Variants in DLG2 observed in about 807,000 individuals in gnomAD.
DLG2 encodes the protein discs large MAGUK scaffold protein 2.
A neutral mutation model predicts 132.5 loss-of-function variants in DLG2; 45 were observed. The observed-to-expected ratio is 0.34, with a 90% CI of 0.27 to 0.44. The LOEUF (loss-of-function observed/expected upper bound fraction) is 0.44. Among genes scored for constraint, DLG2 ranks in the 20% least tolerant of loss-of-function variants. The pLI is 1.00. For missense variants in DLG2, 1,045 were observed against 1,196.9 expected, an observed-to-expected ratio of 0.87 and a Z score of 1.87; for synonymous variants, 424 against 419.6, an observed-to-expected ratio of 1.01 and a Z score of -0.13.
intron 9 of DLG2, among the ~76,000 whole-genome samples, chr11:84,124,996 A>T (rs2094109218): frequency 6.6e-6 from 1 of 151,830 alleles, no homozygotes; most frequent in African/African-American, 2.4e-5. Context: ...GATTACAGGC[A>T]TGTGCCACCA....
intron 4 of DLG2, among the ~76,000 whole-genome samples, chr11:85,206,093 C>A (rs548795783): frequency 8.5e-5 from 13 of 152,148 alleles, no homozygotes; most frequent in African/African-American, 3.1e-4. Flanking sequence ...AATGAGTTCT[C>A]ATGAGATCTG....
chr11:84,923,352 G>T, intron 6 of DLG2: 1 of 1,190,438 alleles, frequency 8.4e-7, no homozygotes, highest in East Asian at 3.7e-5. Context: ...ATTTCAATTA[G>T]ATGAGAATTC....
chr11:83,790,708 C>T (rs2153899030), intron 17 of DLG2: 1 of 796,192 alleles, frequency 1.3e-6, no homozygotes, highest in Non-Finnish European at 2.3e-6. Context: ...CCCGTGGTGC[C>T]AGTCAACAAC....
At chr11:84,114,244 G>A (rs1293803066) in intron 9 of DLG2, among the ~76,000 whole-genome samples, 1 of 152,050 alleles carries the variant, frequency 6.6e-6, no homozygotes, top group East Asian at 1.9e-4. Context: ...TGAATTTTAA[G>A]TGTAAAAAGG....
intron 3 of DLG2, among the ~76,000 whole-genome samples, chr11:85,464,451 G>T (rs1022522087): frequency 6.6e-6 from 1 of 152,116 alleles, no homozygotes; most frequent in African/African-American, 2.4e-5. Context: ...AATCATAATG[G>T]TATGGAAAAT....
Position 84,169,650 on chromosome 11 carries a change from A to T in DLG2, c.574-6139T>A, listed in dbSNP as rs535828143. ...CACTTTGGGAGGCTGAGGCAGGTGG[A>T]TCACTCGAAGTCAGGAGTTCATGAT... is the stretch of plus-strand genomic sequence containing the variant. On this transcript the variant is annotated intron_variant, in intron 8 of 27. Transcript: ENST00000376104. Among the ~76,000 whole-genome samples, 87 of 152,242 alleles carry T rather than the reference A, an allele frequency of 5.7e-4. 1 individual carries two copies. The highest frequency in any genetic ancestry group is 9.0e-4 in the Non-Finnish European group (61 of 68,020).
At chr11:84,486,097 C>A (rs1378327318) in intron 7 of DLG2, among the ~76,000 whole-genome samples, 1 of 152,048 alleles carries the variant, frequency 6.6e-6, no homozygotes, top group Non-Finnish European at 1.5e-5. Context: ...ATTATATACC[C>A]CTGTCACCTA....
At chr11:83,482,911 T>C (rs2093237664) in intron 22 of DLG2, among the ~76,000 whole-genome samples, 1 of 152,138 alleles carries the variant, frequency 6.6e-6, no homozygotes, top group Non-Finnish European at 1.5e-5. Flanking sequence ...AGCTCACCCT[T>C]TCTTTCAACA....
intron 6 of DLG2, among the ~76,000 whole-genome samples, chr11:85,059,730 T>G (rs2063833216): frequency 6.6e-6 from 1 of 151,596 alleles, no homozygotes; most frequent in African/African-American, 2.4e-5. Context: ...ATGATAAAAG[T>G]CAGAGGAGTG....
At chr11:83,691,336 C>G (rs1293226105) in intron 18 of DLG2, among the ~76,000 whole-genome samples, 1 of 152,188 alleles carries the variant, frequency 6.6e-6, no homozygotes, top group Non-Finnish European at 1.5e-5. Flanking sequence ...TCTGTACTCT[C>G]CTATCTAGCT....
intron 7 of DLG2, among the ~76,000 whole-genome samples, chr11:84,450,568 A>G (rs140488908): frequency 4.0e-5 from 6 of 151,838 alleles, no homozygotes; most frequent in African/African-American, 9.6e-5. Context: ...AGATTTAGAG[A>G]TCAGGGAGAA....
chr11:83,885,720 G>A (rs1471509712), intron 15 of DLG2, among the ~76,000 whole-genome samples: 5 of 152,202 alleles, frequency 3.3e-5, no homozygotes, highest in Non-Finnish European at 7.3e-5. Flanking sequence ...TACCCACAAA[G>A]GGAAGCCCAT....
At chr11:84,563,053 C>T (rs1377558904) in intron 6 of DLG2, among the ~76,000 whole-genome samples, 1 of 152,232 alleles carries the variant, frequency 6.6e-6, no homozygotes, top group Non-Finnish European at 1.5e-5. Flanking sequence ...CACATTTCAA[C>T]TCCATTTACG....
intron 10 of DLG2, among the ~76,000 whole-genome samples, chr11:84,089,055 G>A: frequency 6.6e-6 from 1 of 152,196 alleles, no homozygotes; most frequent in East Asian, 1.9e-4. Flanking sequence ...TTGACAGGTT[G>A]GATGTTGTGA....
intron 3 of DLG2, among the ~76,000 whole-genome samples, chr11:85,536,995 G>C (rs1653973948): frequency 6.6e-6 from 1 of 152,188 alleles, no homozygotes; most frequent in Non-Finnish European, 1.5e-5. Flanking sequence ...CCAAAGGATT[G>C]TAAATGCATC....
At chr11:84,124,284 G>A (rs896714978) in intron 9 of DLG2, among the ~76,000 whole-genome samples, 9 of 152,120 alleles carry the variant, frequency 5.9e-5, no homozygotes, top group South Asian at 2.1e-4. Flanking sequence ...TGTGATCTCC[G>A]TGTCCTCTGA....
intron 19 of DLG2, among the ~76,000 whole-genome samples, chr11:83,599,243 GC>G (rs1246225063): frequency 6.6e-6 from 1 of 152,154 alleles, no homozygotes; most frequent in Non-Finnish European, 1.5e-5. Context: ...ACCTCTGTGA[GC>G]TCACCTTATC....
chr11:83,810,181 C>T (rs2046906754), intron 17 of DLG2, among the ~76,000 whole-genome samples: 1 of 151,992 alleles, frequency 6.6e-6, no homozygotes, highest in Non-Finnish European at 1.5e-5. Flanking sequence ...GAGAACAAGT[C>T]CACCTGAGGA....
At chr11:84,386,032 C>T (rs541210441) in intron 7 of DLG2, among the ~76,000 whole-genome samples, 11 of 152,096 alleles carry the variant, frequency 7.2e-5, no homozygotes, top group African/African-American at 1.7e-4. Context: ...CAGAATAGCA[C>T]GTTTCTTTAA....
Sources: gnomAD v4.1 joint callset for allele counts (sites outside exome capture counted in the v4.1 genomes callset) on GRCh38, gnomAD v4.1.1 for gene constraint, MANE v1.5 for transcripts, NCBI Gene and HGNC (gene_info 2026-07-23, HGNC 2026-07-21) for gene names.